The following SNX29 variants were observed in gnomAD, a reference collection of about 807,000 sequenced individuals.
SNX29 encodes sorting nexin-29.
Under a neutral mutation model 102.1 loss-of-function variants are expected in SNX29, and 78 were observed. The observed-to-expected ratio is 0.76, with a 90% confidence interval of 0.64 to 0.92. SNX29 has a LOEUF of 0.92. Among genes scored for constraint, SNX29 ranks in the 40% least tolerant of loss-of-function variants. SNX29 has a pLI of 0.00. For synonymous variants in SNX29, 580 were observed against 414.5 expected (o/e 1.40, Z -4.85); for missense variants, 1,280 against 1,061.7 (o/e 1.21, Z -2.86).
At chr16:12,542,278 A>G (rs1390368936) in intron 20 of SNX29, among the ~76,000 whole-genome samples, 1 of 152,160 alleles carries the variant, frequency 6.6e-6, no homozygotes, top group African/African-American at 2.4e-5. Context: ...GCATGGAGAA[A>G]TGGAGGAACT....
At chr16:12,346,524 G>C (rs1252706916) in intron 15 of SNX29, among the ~76,000 whole-genome samples, 1 of 152,080 alleles carries the variant, frequency 6.6e-6, no homozygotes, top group Non-Finnish European at 1.5e-5. Flanking sequence ...ATCCCAAATG[G>C]CCTGCCTCTG....
At position 11,999,335 on chromosome 16, in the gene SNX29, C is replaced by T. The variant is rs771876074; in HGVS notation, c.46C>T (p.Arg16Ter). The T allele has an allele frequency of 4.8e-5, 77 of 1,614,044 alleles. No individual in the cohort carries two copies. The highest frequency in any genetic ancestry group is 6.3e-5 in the Non-Finnish European group (74 of 1,179,936). Reference protein sequence around the residue: ...NNDKRQFLLERLLDAVKQCQI... With the variant: ...NNDKRQFLLE ...TGACAAAAGACAATTTCTGCTGGAG[C>T]GACTGCTGGATGCAGTGAAACAGGT... is the stretch of plus-strand genomic sequence containing the variant. The change falls in exon 2 of 21, where the codon CGA becomes TGA. Residue 16 changes from arginine to a stop codon, truncating the protein, a stop_gained. Transcript: ENST00000566228. LOFTEE classifies it high-confidence loss of function.
At chr16:12,499,011 C>G (rs777194187) in intron 19 of SNX29, among the ~76,000 whole-genome samples, 1 of 152,132 alleles carries the variant, frequency 6.6e-6, no homozygotes, top group Non-Finnish European at 1.5e-5. Flanking sequence ...TTTTAGGGAG[C>G]TGGAAAAATG....
At chr16:12,499,079 C>G (rs1043211084) in intron 19 of SNX29, among the ~76,000 whole-genome samples, 2 of 152,152 alleles carry the variant, frequency 1.3e-5, no homozygotes, top group African/African-American at 2.4e-5. Flanking sequence ...TTCATTCCTT[C>G]CCCTTATGCC....
At chr16:12,405,604 G>A (rs2084128652) in intron 18 of SNX29, among the ~76,000 whole-genome samples, 1 of 152,190 alleles carries the variant, frequency 6.6e-6, no homozygotes, top group Admixed American at 6.6e-5. Flanking sequence ...TGCCTGCAGA[G>A]CAAAATCAGA....
At chr16:12,194,715 C>T (rs547183259) in intron 13 of SNX29, among the ~76,000 whole-genome samples, 2 of 150,968 alleles carry the variant, frequency 1.3e-5, no homozygotes, top group African/African-American at 4.9e-5. Flanking sequence ...CAACCTCCGC[C>T]TCCCAGGTTC....
Position 12,569,361 on chromosome 16 carries a change from G to C in SNX29, c.*732G>C, listed in dbSNP as rs1249788549. The C allele has an allele frequency of 8.7e-6, 2 of 230,304 alleles. No homozygotes were observed. Among genetic ancestry groups the C allele is most frequent in the South Asian group, 1.8e-4 (1 of 5,496 alleles). The allele number at this position is 230,304 out of a possible 1,614,324, so 14.3% of individuals were successfully genotyped here. A position where few individuals can be genotyped will look rare whatever the true frequency, so the allele number is the denominator to read the frequency against. The stretch of plus-strand genomic sequence containing the variant: ...GCCACCTAGGCCCTCGCCAGGCTTG[G>C]AGTGGGGGGACTCAGACATCTGGCC... On this transcript the variant is annotated 3_prime_UTR_variant, in exon 21 of 21. Transcript: ENST00000566228.
chr16:12,497,740 T>C (rs2088902327), intron 19 of SNX29, among the ~76,000 whole-genome samples: 1 of 152,206 alleles, frequency 6.6e-6, no homozygotes, highest in African/African-American at 2.4e-5. Context: ...GCAAAGATGA[T>C]CAGCTGCCTC....
chr16:12,387,662 G>C (rs989334135), intron 16 of SNX29, among the ~76,000 whole-genome samples: 1 of 152,182 alleles, frequency 6.6e-6, no homozygotes, highest in African/African-American at 2.4e-5. Context: ...CTGTTTTACA[G>C]ATGAGGAAAC....
intron 15 of SNX29, among the ~76,000 whole-genome samples, chr16:12,309,920 C>G (rs1027270179): frequency 6.6e-6 from 1 of 152,134 alleles, no homozygotes; most frequent in African/African-American, 2.4e-5. Context: ...CAGCTTGGTG[C>G]GAGTTTGTAT....
chr16:12,310,774 T>C (rs530625989), intron 15 of SNX29, among the ~76,000 whole-genome samples: 1 of 152,276 alleles, frequency 6.6e-6, no homozygotes, highest in South Asian at 2.1e-4. Context: ...TGCACTCTGC[T>C]GTCTGCTGGT....
chr16:12,135,040 T>A (rs1415480515), intron 13 of SNX29, among the ~76,000 whole-genome samples: 6 of 151,868 alleles, frequency 4.0e-5, no homozygotes, highest in African/African-American at 7.3e-5. Context: ...GAGCCAGGAG[T>A]GCCGAGGGCA....
rs2079190224 is a variant in SNX29 at position 12,571,655 on chromosome 16, G to A, written c.*3026G>A. ...CTCCCCCAGATGAAAGACGACTCAG[G>A]AACGGTAGGGCTGGGCAGAGGTGTC... On this transcript the variant is annotated 3_prime_UTR_variant, in exon 21 of 21. Transcript: ENST00000566228. The A allele has an allele frequency of 4.7e-6, 5 of 1,059,186 alleles. No homozygotes were observed. Among genetic ancestry groups the A allele is most frequent in the Non-Finnish European group, 4.6e-6 (4 of 875,688 alleles). 65.6% of individuals were successfully genotyped at this position (1,059,186 alleles called of 1,614,324 possible).
chr16:12,105,207 C>CCCTT (rs1182474989), intron 11 of SNX29, among the ~76,000 whole-genome samples: 1 of 78,894 alleles, frequency 1.3e-5, no homozygotes, highest in Non-Finnish European at 3.1e-5. Context: ...CTCCCTTCCT[C>CCCTT]CCTCCCTCCC....
intron 15 of SNX29, among the ~76,000 whole-genome samples, chr16:12,285,867 T>C (rs1303081332): frequency 2.0e-5 from 3 of 152,230 alleles, no homozygotes; most frequent in Admixed American, 6.5e-5. Flanking sequence ...ATTTATTTTT[T>C]ATTTTTCTGA....
In SNX29 at chr16:12,356,237, C is replaced by G. The variant is rs373529545; in HGVS notation, c.1857C>G (p.Leu619=). ...LHRALVAKEA[L]VSQMRQELID... is the part of the protein sequence containing the mutation. ...GGGCCCTGGTAGCCAAGGAAGCCCTCGTGTCCCAGATGAGGCAGGAGCTCA... is the reference window on the plus strand; with the variant it reads ...GGGCCCTGGTAGCCAAGGAAGCCCTGGTGTCCCAGATGAGGCAGGAGCTCA... The change falls in exon 16 of 21, where the codon CTC becomes CTG. Residue 619 remains leucine, a synonymous_variant. Coordinates refer to ENST00000566228, the MANE Select transcript of SNX29 (RefSeq NM_032167.5). 3.1e-6 allele frequency: 5 copies of G among 1,612,700 alleles called. No homozygotes were observed. Among genetic ancestry groups the G allele is most frequent in the Middle Eastern group, 1.7e-4 (1 of 6,060 alleles).
chr16:12,149,185 T>A (rs941123117), intron 13 of SNX29, among the ~76,000 whole-genome samples: 3 of 152,196 alleles, frequency 2.0e-5, no homozygotes, highest in Admixed American at 6.5e-5. Context: ...TGGTCTAAAG[T>A]GGCTGCTGGA....
At chr16:12,231,442 A>G (rs1225799536) in intron 14 of SNX29, among the ~76,000 whole-genome samples, 1 of 152,106 alleles carries the variant, frequency 6.6e-6, no homozygotes, top group Non-Finnish European at 1.5e-5. Flanking sequence ...CATTATGTTG[A>G]CTGCATTGCT....
intron 15 of SNX29, among the ~76,000 whole-genome samples, chr16:12,281,254 A>T (rs544812022): frequency 6.6e-6 from 1 of 152,162 alleles, no homozygotes; most frequent in Non-Finnish European, 1.5e-5. Flanking sequence ...AACACCTTAA[A>T]CATGGTGATT....
Sources: gnomAD v4.1 joint callset for allele counts (sites outside exome capture counted in the v4.1 genomes callset) on GRCh38, gnomAD v4.1.1 for gene constraint, MANE v1.5 for transcripts, NCBI Gene and HGNC (gene_info 2026-07-23, HGNC 2026-07-21) for gene names.